LRP4: variants seen among roughly 807,000 people sequenced by gnomAD.
LRP4 encodes low-density lipoprotein receptor-related protein 4.
Under a neutral mutation model 220.3 loss-of-function variants are expected in LRP4, and 95 were observed. The ratio of observed to expected loss-of-function variants is 0.43; its 90% CI spans 0.37 to 0.51. LRP4 has a LOEUF of 0.51. Ranked by LOEUF, LRP4 falls within the 20% of genes least tolerant of loss-of-function variation. LRP4 has a pLI of 0.00. For synonymous variants in LRP4, 903 were observed against 954.6 expected (o/e 0.95, Z 1.00); for missense variants, 1,925 against 2,567.0 (o/e 0.75, Z 5.40).
At chr11:46,907,746 AG>A (rs1216414578) in intron 1 of LRP4, among the ~76,000 whole-genome samples, 1 of 152,192 alleles carries the variant, frequency 6.6e-6, no homozygotes, top group Non-Finnish European at 1.5e-5. Flanking sequence ...AGAGAGATGA[AG>A]GTTCAAATCT....
rs1303740123 is a variant in LRP4 at position 46,899,789 on chromosome 11, T to C, written c.430+74A>G. On this transcript the variant is annotated intron_variant, in intron 4 of 37. Transcript: ENST00000378623. This position sits in a 1 kb window ranked among gnomAD's most constrained non-coding sequence, Gnocchi z 5.9. Reference sequence around the variant, plus strand: ...TGGAGGTTTGGCAGTGCTAGGGCCATTGCTGCTATCTTCTCCCATGGCCAG... The same window carrying C: ...TGGAGGTTTGGCAGTGCTAGGGCCACTGCTGCTATCTTCTCCCATGGCCAG... 18 of 1,232,764 alleles carry C rather than the reference T, an allele frequency of 1.5e-5. No homozygotes were observed. The highest frequency in any genetic ancestry group is 2.1e-5 in the Non-Finnish European group (18 of 838,506). 76.4% of individuals were successfully genotyped at this position (1,232,764 alleles called of 1,614,324 possible).
In LRP4 at chr11:46,875,972, T is replaced by G; in HGVS notation, c.3537-6A>C. On this transcript the variant is annotated splice_polypyrimidine_tract_variant and splice_region_variant and intron_variant, in intron 25 of 37. Coordinates refer to ENST00000378623, the MANE Select transcript of LRP4 (RefSeq NM_002334.4). The surrounding 1 kb of genome is among the most constrained non-coding windows in gnomAD (Gnocchi z 4.5). The stretch of plus-strand genomic sequence containing the variant: ...AGTCTGTCCAGTACATAAACCTGAG[T>G]GAGGAAGAATATTAGCTATATTAGC... 1 of 1,613,788 alleles carries G rather than the reference T, an allele frequency of 6.2e-7. No homozygotes were observed. The highest frequency in any genetic ancestry group is 8.5e-7 in the Non-Finnish European group (1 of 1,179,792).
chr11:46,885,601 G>C (rs773688022), intron 18 of LRP4, among the ~76,000 whole-genome samples: 1 of 151,922 alleles, frequency 6.6e-6, no homozygotes, highest in East Asian at 1.9e-4. Context: ...GTGAAACCCC[G>C]TCTCTACTAA....
intron 2 of LRP4, among the ~76,000 whole-genome samples, chr11:46,900,791 T>G (rs1026000413): frequency 7.2e-5 from 9 of 125,084 alleles, no homozygotes; most frequent in African/African-American, 3.0e-4. Context: ...GCGCCTGGCC[T>G]TTTTTTTTTT....
chr11:46,901,843 C>T (rs983919305), intron 2 of LRP4, among the ~76,000 whole-genome samples: 2 of 152,138 alleles, frequency 1.3e-5, no homozygotes, highest in Admixed American at 1.3e-4. Context: ...CACCATTCTC[C>T]TGCCTCAGCC....
At chr11:46,876,432 C>T (rs893938199) in intron 25 of LRP4, 34 bp downstream of exon 25, 63 of 1,613,108 alleles carry the variant, frequency 3.9e-5, no homozygotes, top group Non-Finnish European at 5.3e-5. Flanking sequence ...AGCTGGCCCC[C>T]CACACTACCC....
In LRP4 at chr11:46,873,158, G is replaced by T; in HGVS notation, c.4525C>A (p.Leu1509Ile). ...ANLDGSERKVLINTDLGWPNG... is the reference protein window; with the variant it reads ...ANLDGSERKVIINTDLGWPNG... Reference sequence around the variant, plus strand: ...GGCCAACCCAGGTCTGTGTTGATGAGGACCTTCCGCTCAGAACCATCCAAG... The same window carrying T: ...GGCCAACCCAGGTCTGTGTTGATGATGACCTTCCGCTCAGAACCATCCAAG... Residue 1509 changes from leucine (L) to isoleucine (I), a missense_variant, in exon 30 of 38, where the codon CTC becomes ATC. Leu to Ile is a conservative substitution (Grantham distance 5). Around this residue, in one of 3 missense-constraint regions of LRP4, gnomAD observed 1,244 missense variants for 1,624.9 expected, o/e 0.77. Transcript: ENST00000378623. This position sits in a 1 kb window ranked among gnomAD's most constrained non-coding sequence, Gnocchi z 4.2. 6.2e-7 allele frequency: 1 copy of T among 1,614,126 alleles called. No individual in the cohort carries two copies. Among genetic ancestry groups the T allele is most frequent in the Admixed American group, 1.7e-5 (1 of 60,014 alleles).
intron 2 of LRP4, among the ~76,000 whole-genome samples, chr11:46,902,155 C>T (rs1404926801): frequency 6.6e-6 from 1 of 151,624 alleles, no homozygotes; most frequent in East Asian, 1.9e-4. Flanking sequence ...GTCATGAGTT[C>T]GAGACCAGCC....
chr11:46,900,016 G>T (rs1941632775), intron 3 of LRP4, 40 bp from the exon 4 acceptor site: 7 of 1,501,112 alleles, frequency 4.7e-6, no homozygotes, highest in Non-Finnish European at 6.5e-6. Context: ...AGGCAGTGGG[G>T]GTCTGGTGCC....
At chr11:46,870,232 G>A (rs534208195) in intron 31 of LRP4, among the ~76,000 whole-genome samples, 138 of 152,046 alleles carry the variant, frequency 9.1e-4, no homozygotes, top group African/African-American at 2.7e-3. Context: ...TCACACCACC[G>A]CACTCCAGCC....
chr11:46,876,229 A>T (rs1165824499), intron 25 of LRP4, among the ~76,000 whole-genome samples: 1 of 152,186 alleles, frequency 6.6e-6, no homozygotes, highest in Non-Finnish European at 1.5e-5. Context: ...GACCCAAGTG[A>T]TATAGCTAAT....
In LRP4 at chr11:46,876,899, T is replaced by C. The variant is rs890301271; in HGVS notation, c.3278-69A>G. 4 of 1,250,726 alleles carry C rather than the reference T, an allele frequency of 3.2e-6. No individual in the cohort carries two copies. The African/African-American group carries it at 4.4e-5, about 14-fold the overall frequency. 77.5% of individuals were successfully genotyped at this position (1,250,726 alleles called of 1,614,324 possible). ...CAATGGGACACACACAGCTGATTCA[T>C]GTCTTGAAACACCAGAGCATGTCAG... On this transcript the variant is annotated intron_variant, in intron 23 of 37. Transcript: ENST00000378623.
intron 1 of LRP4, among the ~76,000 whole-genome samples, chr11:46,915,240 T>G (rs936853787): frequency 6.6e-6 from 1 of 152,228 alleles, no homozygotes; most frequent in African/African-American, 2.4e-5. Context: ...GAGACCAGTC[T>G]CAGCTCAATT....
rs1010308992 is a variant in LRP4, at chr11:46,895,146, C to A, written c.1309+20G>T. 6.2e-7 allele frequency: 1 copy of A among 1,613,640 alleles called. No homozygotes were observed. Among genetic ancestry groups the A allele is most frequent in the Non-Finnish European group, 8.5e-7 (1 of 1,180,040 alleles). On this transcript the variant is annotated intron_variant, in intron 11 of 37. Coordinates refer to ENST00000378623, the MANE Select transcript of LRP4 (RefSeq NM_002334.4). ...ATGCTCGGCCCTCTGCCCACCCAGC[C>A]AAGTGCCAACAGCCCTTACCCAGAG...
intron 34 of LRP4, 81 bp downstream of exon 34, chr11:46,867,898 T>C: frequency 6.4e-7 from 1 of 1,570,128 alleles, no homozygotes; most frequent in Admixed American, 1.7e-5. Context: ...CCCAACTGCC[T>C]TATCAAGCTG....
In LRP4 at chr11:46,886,083, A is replaced by G. The variant is rs762865194; in HGVS notation, c.2506+8T>C. On this transcript the variant is annotated splice_region_variant and intron_variant, in intron 18 of 37. Transcript: ENST00000378623. ...GAGCCAGGCAGGCCACGGCTCCCCTATGCATACCTGCATCTGTCCAGTACA... is the reference window on the plus strand; with the variant it reads ...GAGCCAGGCAGGCCACGGCTCCCCTGTGCATACCTGCATCTGTCCAGTACA... 1.7e-5 allele frequency: 27 copies of G among 1,613,436 alleles called. No homozygotes were observed. Among genetic ancestry groups the G allele is most frequent in the South Asian group, 3.3e-5 (3 of 91,062 alleles).
intron 6 of LRP4, 105 bp from the exon 7 acceptor site, chr11:46,898,782 A>G: frequency 6.2e-7 from 1 of 1,604,650 alleles, no homozygotes; most frequent in South Asian, 1.1e-5. Context: ...TCTTCCCAAG[A>G]GGGACCAGAA....
chr11:46,909,530 G>A (rs370169766), intron 1 of LRP4, among the ~76,000 whole-genome samples: 2 of 102,348 alleles, frequency 2.0e-5, no homozygotes, highest in African/African-American at 3.9e-5. Flanking sequence ...GCGTGAACCC[G>A]GGAAGCGGAG....
intron 1 of LRP4, among the ~76,000 whole-genome samples, chr11:46,908,908 A>G (rs1941806552): frequency 6.6e-6 from 1 of 152,236 alleles, no homozygotes; most frequent in Non-Finnish European, 1.5e-5. Flanking sequence ...CATTACAATA[A>G]TCCTGAGCAA....
Sources: allele counts gnomAD v4.1 joint callset (sites outside exome capture counted in the v4.1 genomes callset), GRCh38; gene constraint gnomAD v4.1.1; regional missense constraint gnomAD v4.1.1; non-coding constraint Gnocchi (gnomAD v3.1); transcripts MANE v1.5; gene names NCBI Gene and HGNC (gene_info 2026-07-23, HGNC 2026-07-21).